Variants in EPB41L3 observed in about 807,000 individuals in gnomAD.
The protein encoded by EPB41L3 is erythrocyte membrane protein band 4.1 like 3, also known as band 4.1-like protein 3.
In EPB41L3, 57 loss-of-function variants were observed where a neutral mutation model predicts 127.1. The observed-to-expected ratio is 0.45, with a 90% confidence interval of 0.36 to 0.56. The LOEUF (loss-of-function observed/expected upper bound fraction) is 0.56. Ranked by LOEUF, EPB41L3 falls within the 20% of genes least tolerant of loss-of-function variation. The pLI, the probability that EPB41L3 is intolerant of heterozygous loss-of-function variation, is 0.00. For missense variants in EPB41L3, 1,273 were observed against 1,372.2 expected (o/e 0.93, Z 1.14); for synonymous variants, 572 against 549.5 (o/e 1.04, Z -0.57).
intron 3 of EPB41L3, among the ~76,000 whole-genome samples, chr18:5,579,818 G>A (rs1568602272): frequency 6.6e-6 from 1 of 152,212 alleles, no homozygotes; most frequent in East Asian, 1.9e-4. Flanking sequence ...TGTAACCAAT[G>A]TCTCTAGATG....
intron 3 of EPB41L3, among the ~76,000 whole-genome samples, chr18:5,585,284 G>C (rs2094432395): frequency 6.6e-6 from 1 of 152,076 alleles, no homozygotes; most frequent in South Asian, 2.1e-4. Context: ...TAAGACATAA[G>C]GATCTTAAGA....
chr18:5,422,079 C>T (rs908336188), intron 11 of EPB41L3, among the ~76,000 whole-genome samples: 2 of 152,176 alleles, frequency 1.3e-5, no homozygotes, highest in South Asian at 2.1e-4. Flanking sequence ...TTCACAACAG[C>T]CCCGTCAAAG....
At chr18:5,507,171 A>G (rs1179543053) in intron 1 of EPB41L3, among the ~76,000 whole-genome samples, 2 of 152,138 alleles carry the variant, frequency 1.3e-5, no homozygotes, top group Non-Finnish European at 2.9e-5. Context: ...AGGGTCTGCT[A>G]TAGGCAGACT....
At chr18:5,556,713 A>C (rs1316829089) in intron 3 of EPB41L3, among the ~76,000 whole-genome samples, 1 of 152,156 alleles carries the variant, frequency 6.6e-6, no homozygotes, top group Non-Finnish European at 1.5e-5. Flanking sequence ...ACAGAGCAGG[A>C]AACATGGAGT....
intron 16 of EPB41L3, chr18:5,398,357 G>A: frequency 1.7e-6 from 1 of 593,026 alleles, no homozygotes; most frequent in Non-Finnish European, 2.9e-6. Context: ...ATTAGGATCA[G>A]GGTGGCGCCG....
At chr18:5,446,151 TTTTG>T (rs1388946404) in intron 3 of EPB41L3, among the ~76,000 whole-genome samples, 1 of 152,234 alleles carries the variant, frequency 6.6e-6, no homozygotes, top group African/African-American at 2.4e-5. Context: ...ATTATTTTTG[TTTTG>T]TTTTTCTTTT....
chr18:5,406,775 A>G lies in EPB41L3; in HGVS notation c.2349+2T>C. 2 of 1,612,422 alleles carry G rather than the reference A, an allele frequency of 1.2e-6. No individual in the cohort carries two copies. The highest frequency in any genetic ancestry group is 1.7e-6 in the Non-Finnish European group (2 of 1,178,956). On this transcript the variant is annotated splice_donor_variant, in intron 16 of 22. Coordinates refer to ENST00000341928, the MANE Select transcript of EPB41L3 (RefSeq NM_012307.5). LOFTEE classifies it high-confidence loss of function. ...AGTCTGACCACAAACCTGACTACTG[A>G]CCTCTTCAGGGACAAGTGGTTCGAT...
At chr18:5,400,824 C>A in intron 16 of EPB41L3, 1 of 598,172 alleles carries the variant, frequency 1.7e-6, no homozygotes, top group Non-Finnish European at 2.9e-6. Flanking sequence ...TTTTCCCTTC[C>A]CCAGAATCTA....
At chr18:5,460,087 T>C (rs1329182599) in intron 3 of EPB41L3, among the ~76,000 whole-genome samples, 1 of 152,228 alleles carries the variant, frequency 6.6e-6, no homozygotes, top group Non-Finnish European at 1.5e-5. Context: ...CAGTGTCTAT[T>C]GTCCCTATTT....
intron 1 of EPB41L3, among the ~76,000 whole-genome samples, chr18:5,512,073 A>G (rs1204142216): frequency 1.3e-5 from 2 of 152,244 alleles, no homozygotes; most frequent in Non-Finnish European, 2.9e-5. Flanking sequence ...TCAGAGGACA[A>G]TTAGACTGGA....
At chr18:5,630,405 C>T (rs1339925395), upstream of EPB41L3, 2 of 518,818 alleles carry the variant, frequency 3.9e-6, no homozygotes, top group East Asian at 5.5e-5. Flanking sequence ...CCTTTGGGGC[C>T]CCTCCCGGAG....
intron 1 of EPB41L3, among the ~76,000 whole-genome samples, chr18:5,489,806 G>C (rs1415770435): frequency 6.6e-6 from 1 of 152,206 alleles, no homozygotes; most frequent in Non-Finnish European, 1.5e-5. Flanking sequence ...GCACAGGCAG[G>C]ATCACCTCTC....
chr18:5,591,337 G>C (rs963896477), intron 3 of EPB41L3, among the ~76,000 whole-genome samples: 5 of 132,674 alleles, frequency 3.8e-5, no homozygotes, highest in African/African-American at 1.3e-4. Context: ...AAGTCCAAGA[G>C]CAAGCGCCAT....
At chr18:5,626,567 G>C (rs548100063) in intron 1 of EPB41L3, among the ~76,000 whole-genome samples, 1 of 152,174 alleles carries the variant, frequency 6.6e-6, no homozygotes, top group African/African-American at 2.4e-5. Flanking sequence ...CTCTGCACTG[G>C]AAAATTCTAT....
intron 3 of EPB41L3, among the ~76,000 whole-genome samples, chr18:5,456,678 G>A (rs1056329376): frequency 6.6e-6 from 1 of 152,164 alleles, no homozygotes; most frequent in Non-Finnish European, 1.5e-5. Context: ...GAGCCACTGA[G>A]GGGTATAGTT....
At chr18:5,532,311 C>G (rs551184078) in intron 1 of EPB41L3, among the ~76,000 whole-genome samples, 1 of 152,308 alleles carries the variant, frequency 6.6e-6, no homozygotes, top group East Asian at 1.9e-4. Context: ...TGATTGTTCA[C>G]CACTGTAACC....
At chr18:5,427,946 C>T (rs373941317) in intron 9 of EPB41L3, among the ~76,000 whole-genome samples, 4 of 152,058 alleles carry the variant, frequency 2.6e-5, no homozygotes, top group South Asian at 2.1e-4. Flanking sequence ...GGCATTTCAC[C>T]GTGTTAGCCA....
At chr18:5,494,893 C>T (rs1045362852) in intron 1 of EPB41L3, among the ~76,000 whole-genome samples, 1 of 152,044 alleles carries the variant, frequency 6.6e-6, no homozygotes, top group African/African-American at 2.4e-5. Context: ...GCCGCCTGAC[C>T]CTCGCTAAGG....
intron 3 of EPB41L3, among the ~76,000 whole-genome samples, chr18:5,554,970 G>A (rs963946796): frequency 1.3e-5 from 2 of 152,128 alleles, no homozygotes; most frequent in African/African-American, 2.4e-5. Context: ...AAGAGAAGAC[G>A]TCGCAATCCA....
Sources: allele counts gnomAD v4.1 joint callset (sites outside exome capture counted in the v4.1 genomes callset), GRCh38; gene constraint gnomAD v4.1.1; transcripts MANE v1.5; gene names NCBI Gene and HGNC (gene_info 2026-07-23, HGNC 2026-07-21).